The following CD4 variants were observed in gnomAD, a reference collection of about 807,000 sequenced individuals.
CD4 encodes T-cell surface glycoprotein CD4.
A neutral mutation model predicts 50.5 loss-of-function variants in CD4; 25 were observed. The observed-to-expected ratio is 0.49, with a 90% CI of 0.36 to 0.69. The LOEUF is 0.69. CD4 is among the 30% of genes least tolerant of loss of function. The pLI is 0.00. For synonymous variants in CD4, 207 were observed against 221.9 expected, an observed-to-expected ratio of 0.93 and a Z score of 0.60; for missense variants, 456 against 548.5, an observed-to-expected ratio of 0.83 and a Z score of 1.68.
chr12:6,813,737 T>C (rs1300045239), intron 3 of CD4: 3 of 158,982 alleles, frequency 1.9e-5, no homozygotes, highest in Admixed American at 1.2e-4. Flanking sequence ...TGTGTGAGAG[T>C]TGGGTAATTA....
At chr12:6,797,260 G>A (rs1006667113) in intron 1 of CD4, among the ~76,000 whole-genome samples, 3 of 151,546 alleles carry the variant, frequency 2.0e-5, no homozygotes, top group South Asian at 2.1e-4. Flanking sequence ...CCCCAGTCTC[G>A]CCTGTCTGCC....
In CD4 at chr12:6,792,673, C is replaced by G. The variant is rs987774247; in HGVS notation, c.-68+3011C>G. Among the ~76,000 whole-genome samples, 1 of 152,198 alleles carries G rather than the reference C, an allele frequency of 6.6e-6. No individual in the cohort carries two copies. Among genetic ancestry groups the G allele is most frequent in the Non-Finnish European group, 1.5e-5 (1 of 68,040 alleles). On this transcript the variant is annotated intron_variant, in intron 1 of 9. Transcript: ENST00000011653. The surrounding 1 kb of genome is among the most constrained non-coding windows in gnomAD (Gnocchi z 4.1). ...GCTGCAGGCGTGCTCGGCAGGCTCC[C>G]CACAGATCAAAGCTTGTCCAGGGTC...
rs782211194 is a variant in CD4, at chr12:6,818,532, G to C, written c.1268G>C (p.Arg423Pro). 6 of 1,612,708 alleles carry C rather than the reference G, an allele frequency of 3.7e-6. No homozygotes were observed. Among genetic ancestry groups the C allele is most frequent in the South Asian group, 2.2e-5 (2 of 91,080 alleles). Residue 423 changes from arginine to proline, a missense_variant, in exon 8 of 10, where the codon CGG becomes CCG. Coordinates refer to ENST00000011653, the MANE Select transcript of CD4 (RefSeq NM_000616.5). This position sits in a 1 kb window ranked among gnomAD's most constrained non-coding sequence, Gnocchi z 5.0. ...GLGIFFCVRC[R>P]HRRRQAERMS... ...GGCATCTTCTTCTGTGTCAGGTGCC[G>C]GCACCGAAGGGTGAGTAACCCCACA...
chr12:6,803,989 T>C (rs1429849330), intron 3 of CD4, among the ~76,000 whole-genome samples: 1 of 151,270 alleles, frequency 6.6e-6, no homozygotes, highest in Non-Finnish European at 1.5e-5. Context: ...CACACACCTA[T>C]AGTCCCAGCT....
rs781853494 is a variant in CD4 at position 6,817,225 on chromosome 12, G to A, written c.1051G>A (p.Val351Ile). Reference protein sequence around the residue: ...SLKLENKEAKVSKREKAVWVL... With the variant: ...SLKLENKEAKISKREKAVWVL... ...GAAACTGGAGAACAAGGAGGCAAAG[G>A]TCTCGAAGCGGGAGAAGGCGGTGTG... The change falls in exon 7 of 10, where the codon GTC (valine) becomes ATC (isoleucine). Residue 351 changes from valine to isoleucine, a missense_variant. Val to Ile is a conservative substitution (Grantham distance 29). Coordinates refer to ENST00000011653, the MANE Select transcript of CD4 (RefSeq NM_000616.5). 3.1e-6 allele frequency: 5 copies of A among 1,613,486 alleles called. No individual in the cohort carries two copies. Among genetic ancestry groups the A allele is most frequent in the Non-Finnish European group, 4.2e-6 (5 of 1,179,636 alleles).
chr12:6,802,386 GAC>G (rs1163632438), intron 3 of CD4, among the ~76,000 whole-genome samples: 2 of 150,128 alleles, frequency 1.3e-5, no homozygotes, highest in African/African-American at 4.9e-5. Context: ...ACAGTGGCAT[GAC>G]CACAACACAT....
chr12:6,794,782 T>G (rs1296259654), intron 1 of CD4, among the ~76,000 whole-genome samples: 1 of 131,620 alleles, frequency 7.6e-6, no homozygotes, highest in African/African-American at 3.0e-5. Flanking sequence ...TCTGTTTTTT[T>G]TTTGTTTTTT....
chr12:6,808,079 CAAAAA>C (rs34876182), intron 3 of CD4, among the ~76,000 whole-genome samples: 88 of 70,156 alleles, frequency 1.3e-3, no homozygotes, highest in African/African-American at 3.9e-3. Context: ...GGCTCTTTCT[CAAAAA>C]AAAAAAAAAA....
intron 3 of CD4, among the ~76,000 whole-genome samples, chr12:6,811,346 T>C (rs2137901869): frequency 6.6e-6 from 1 of 152,266 alleles, no homozygotes; most frequent in South Asian, 2.1e-4. Flanking sequence ...CCCTTGGTGA[T>C]GGTTATTAGA....
rs1409885418 is a variant in CD4, at chr12:6,816,661, C to T, written c.955+258C>T. On this transcript the variant is annotated intron_variant, in intron 6 of 9. Coordinates refer to ENST00000011653, the MANE Select transcript of CD4 (RefSeq NM_000616.5). This position sits in a 1 kb window ranked among gnomAD's most constrained non-coding sequence, Gnocchi z 4.9. ...GTTCCAGTTCTTCCTATAACCAACC[C>T]TCTGTGACCCTGGCTAAGCCCCCTC... is the stretch of plus-strand genomic sequence containing the variant. Among the ~76,000 whole-genome samples the T allele has an allele frequency of 6.6e-6, 1 of 152,196 alleles. No homozygotes were observed. Among genetic ancestry groups the T allele is most frequent in the Non-Finnish European group, 1.5e-5 (1 of 68,024 alleles).
chr12:6,803,219 C>T (rs1942617654), intron 3 of CD4, among the ~76,000 whole-genome samples: 5 of 152,120 alleles, frequency 3.3e-5, no homozygotes, highest in Admixed American at 6.5e-5. Context: ...GGCATGATCT[C>T]GGCTAACTGC....
rs1243499458 is a variant in CD4 at position 6,816,396 on chromosome 12, G to C, written c.948G>C (p.Val316=). The stretch of plus-strand genomic sequence containing the variant: ...TGCATCAGGAAGTGAACCTGGTGGT[G>C]ATGAGAGGTGAGGGGCCAGGCCAGG... ...GKLHQEVNLV[V]MRATQLQKNL... Residue 316 remains valine, a synonymous_variant, in exon 6 of 10, where the codon GTG becomes GTC. Transcript: ENST00000011653. The surrounding 1 kb of genome is among the most constrained non-coding windows in gnomAD (Gnocchi z 4.9). 1 of 1,609,708 alleles carries C rather than the reference G, an allele frequency of 6.2e-7. No individual in the cohort carries two copies. The highest frequency in any genetic ancestry group is 8.5e-7 in the Non-Finnish European group (1 of 1,177,046).
At chr12:6,798,172 C>CTTT (rs1167230229) in intron 1 of CD4, among the ~76,000 whole-genome samples, 3 of 139,466 alleles carry the variant, frequency 2.2e-5, no homozygotes, top group Non-Finnish European at 3.1e-5. Flanking sequence ...AAGAACTTTT[C>CTTT]TTTTTTTTTT....
chr12:6,809,455 C>T (rs781969910), intron 3 of CD4, among the ~76,000 whole-genome samples: 1 of 151,930 alleles, frequency 6.6e-6, no homozygotes, highest in South Asian at 2.1e-4. Context: ...GTGATTGCGC[C>T]ACTGCACCCC....
chr12:6,807,097 G>A (rs1340821515), intron 3 of CD4, among the ~76,000 whole-genome samples: 1 of 152,144 alleles, frequency 6.6e-6, no homozygotes, highest in Non-Finnish European at 1.5e-5. Flanking sequence ...AACCCGGGAG[G>A]CGGAGCTTGC....
chr12:6,799,917 T>C (rs1942483966), intron 1 of CD4, among the ~76,000 whole-genome samples, 155 bp from the exon 2 acceptor site: 1 of 152,116 alleles, frequency 6.6e-6, no homozygotes, highest in Non-Finnish European at 1.5e-5. Context: ...TCCTACTCAT[T>C]CCTTCCTTAA....
intron 3 of CD4, among the ~76,000 whole-genome samples, chr12:6,806,086 C>T (rs1216060825): frequency 6.6e-6 from 1 of 151,088 alleles, no homozygotes; most frequent in African/African-American, 2.4e-5. Flanking sequence ...ATCACTTCAG[C>T]CCAGAAGTTT....
At chr12:6,794,769 A>G (rs1199740436) in intron 1 of CD4, among the ~76,000 whole-genome samples, 2 of 99,594 alleles carry the variant, frequency 2.0e-5, no homozygotes, top group Non-Finnish European at 4.4e-5. Flanking sequence ...ATCTGTCTGT[A>G]TGTCTGTTTT....
intron 3 of CD4, among the ~76,000 whole-genome samples, chr12:6,801,706 GTA>G (rs1942558466): frequency 1.3e-5 from 2 of 150,466 alleles, no homozygotes; most frequent in Admixed American, 6.6e-5. Context: ...GACTACAGGC[GTA>G]TGCCACCATG....
Sources: gnomAD v4.1 joint callset for allele counts (sites outside exome capture counted in the v4.1 genomes callset) on GRCh38, gnomAD v4.1.1 for gene constraint, Gnocchi (gnomAD v3.1) non-coding constraint, MANE v1.5 for transcripts, NCBI Gene and HGNC (gene_info 2026-07-23, HGNC 2026-07-21) for gene names.